Variants in PIK3C2G observed in about 807,000 individuals in gnomAD.
The protein encoded by PIK3C2G is phosphatidylinositol 3-kinase C2 domain-containing subunit gamma.
PIK3C2G carries 168 observed loss-of-function variants against 181.1 expected under a neutral mutation model. The ratio of observed to expected loss-of-function variants is 0.93; its 90% CI spans 0.82 to 1.05. PIK3C2G has a LOEUF of 1.05. Ranked by LOEUF, PIK3C2G falls within the 50% of genes least tolerant of loss-of-function variation. The pLI is 0.00. For synonymous variants in PIK3C2G, 573 were observed against 592.2 expected (o/e 0.97, Z 0.47); for missense variants, 1,869 against 1,732.8 (o/e 1.08, Z -1.40).
upstream of PIK3C2G, among the ~76,000 whole-genome samples, chr12:18,257,786 AAGAG>A (rs1361406726): frequency 6.6e-6 from 1 of 151,334 alleles, no homozygotes; most frequent in Non-Finnish European, 1.5e-5. Flanking sequence ...AAAAGAAAGA[AAGAG>A]AAAGAAAGAA....
chr12:18,270,119 A>G (rs1948685756), intron 1 of PIK3C2G, among the ~76,000 whole-genome samples: 1 of 151,998 alleles, frequency 6.6e-6, no homozygotes, highest in Non-Finnish European at 1.5e-5. Flanking sequence ...CACGTTCGTC[A>G]GGCTAGTCTT....
chr12:18,670,594 C>T, the PIK3C2G span, among the ~76,000 whole-genome samples: 4 of 152,240 alleles, frequency 2.6e-5, no homozygotes, highest in Admixed American at 6.5e-5. Flanking sequence ...GGGTTAACTT[C>T]GTTTCTGCAT....
At chr12:18,558,944 G>A (rs1054218137) in intron 26 of PIK3C2G, among the ~76,000 whole-genome samples, 2 of 152,012 alleles carry the variant, frequency 1.3e-5, no homozygotes, top group Non-Finnish European at 2.9e-5. Context: ...TCTGTTCATT[G>A]CTAAATCCCA....
At chr12:18,709,727 A>T in the PIK3C2G span, among the ~76,000 whole-genome samples, 1 of 152,058 alleles carries the variant, frequency 6.6e-6, no homozygotes, top group East Asian at 1.9e-4. Context: ...AGGGAAAAAA[A>T]ACCCTGTGTA....
At chr12:18,631,172 T>A (rs1159095318) in intron 31 of PIK3C2G, among the ~76,000 whole-genome samples, 1 of 152,166 alleles carries the variant, frequency 6.6e-6, no homozygotes, top group Non-Finnish European at 1.5e-5. Context: ...GATACGATGC[T>A]AGTAAGAAGA....
chr12:18,683,895 C>T, the PIK3C2G span, among the ~76,000 whole-genome samples: 1 of 151,902 alleles, frequency 6.6e-6, no homozygotes, highest in Non-Finnish European at 1.5e-5. Context: ...TAAAGAAATG[C>T]TTATACATGC....
intron 31 of PIK3C2G, among the ~76,000 whole-genome samples, chr12:18,626,729 T>A (rs1420871455): frequency 6.6e-6 from 1 of 152,046 alleles, no homozygotes; most frequent in Non-Finnish European, 1.5e-5. Context: ...TTCTACTATA[T>A]CATCCCACTC....
chr12:18,290,430 T>C (rs1336833741), intron 3 of PIK3C2G, among the ~76,000 whole-genome samples: 1 of 152,140 alleles, frequency 6.6e-6, no homozygotes, highest in Non-Finnish European at 1.5e-5. Flanking sequence ...ACAAGAGAAT[T>C]TATTTGCCAA....
chr12:18,683,561 G>A, the PIK3C2G span: 45 of 1,482,496 alleles, frequency 3.0e-5, no homozygotes, highest in Admixed American at 4.0e-5. Flanking sequence ...TCCGCAAAGC[G>A]CTGCATGATC....
intron 31 of PIK3C2G, among the ~76,000 whole-genome samples, chr12:18,611,669 C>G (rs536158395): frequency 6.6e-6 from 1 of 152,200 alleles, no homozygotes; most frequent in African/African-American, 2.4e-5. Flanking sequence ...TTTTTCATCT[C>G]AGTAAATAGC....
chr12:18,553,522 G>A (rs777282450), intron 26 of PIK3C2G, among the ~76,000 whole-genome samples: 3 of 152,080 alleles, frequency 2.0e-5, no homozygotes, highest in Non-Finnish European at 4.4e-5. Context: ...AATGCAGTTT[G>A]GTGCCTGTGA....
At chr12:18,474,256 G>A (rs1190532078) in intron 18 of PIK3C2G, among the ~76,000 whole-genome samples, 1 of 151,986 alleles carries the variant, frequency 6.6e-6, no homozygotes, top group Non-Finnish European at 1.5e-5. Flanking sequence ...CCTTTAAATC[G>A]TCCAACCATG....
At chr12:18,697,079 A>G in the PIK3C2G span, among the ~76,000 whole-genome samples, 1 of 152,110 alleles carries the variant, frequency 6.6e-6, no homozygotes, top group African/African-American at 2.4e-5. Flanking sequence ...AAATTTTTGA[A>G]CACAAATTTC....
chr12:18,603,571 C>A (rs1049064715), intron 30 of PIK3C2G, among the ~76,000 whole-genome samples: 2 of 152,092 alleles, frequency 1.3e-5, no homozygotes, highest in African/African-American at 4.8e-5. Context: ...ACATTGTCAT[C>A]AGGTTATCCA....
the PIK3C2G span, among the ~76,000 whole-genome samples, chr12:18,704,077 G>A: frequency 6.6e-6 from 1 of 152,162 alleles, no homozygotes; most frequent in South Asian, 2.1e-4. Flanking sequence ...AGGAGTGAGG[G>A]AAGGCTAAAG....
At chr12:18,263,159 C>T (rs976374888) in intron 1 of PIK3C2G, among the ~76,000 whole-genome samples, 1 of 151,834 alleles carries the variant, frequency 6.6e-6, no homozygotes, top group Non-Finnish European at 1.5e-5. Flanking sequence ...TTCTTGGCAA[C>T]CTTATTTTTT....
At chr12:18,320,825 C>G (rs944031402) in intron 6 of PIK3C2G, 137 bp from the exon 7 acceptor site, 1 of 596,168 alleles carries the variant, frequency 1.7e-6, no homozygotes, top group Non-Finnish European at 3.0e-6. Context: ...TAAGGTCTTT[C>G]AGACAGAATA....
At chr12:18,587,163 C>T (rs1565535225) in intron 29 of PIK3C2G, among the ~76,000 whole-genome samples, 1 of 152,106 alleles carries the variant, frequency 6.6e-6, no homozygotes, top group Admixed American at 6.5e-5. Context: ...AGGATGTCTT[C>T]CCTCATCACT....
At chr12:18,272,442 A>G (rs1948783904) in intron 1 of PIK3C2G, among the ~76,000 whole-genome samples, 1 of 152,170 alleles carries the variant, frequency 6.6e-6, no homozygotes, top group Non-Finnish European at 1.5e-5. Context: ...GCAGTCACCA[A>G]TGCTTGATGC....
Sources: allele counts gnomAD v4.1 joint callset (sites outside exome capture counted in the v4.1 genomes callset), GRCh38; gene constraint gnomAD v4.1.1; transcripts MANE v1.5; gene names NCBI Gene and HGNC (gene_info 2026-07-23, HGNC 2026-07-21).